The following DNAH14 variants were observed in gnomAD, a reference collection of about 807,000 sequenced individuals.
DNAH14 encodes axonemal beta dynein heavy chain 14.
DNAH14 carries 478 observed loss-of-function variants against 520.9 expected under a neutral mutation model. The ratio of observed to expected loss-of-function variants is 0.92; its 90% CI spans 0.85 to 0.99. The LOEUF (loss-of-function observed/expected upper bound fraction) is 0.99, where lower values mean the gene tolerates loss of function less well. DNAH14 is among the 50% of genes least tolerant of loss of function. DNAH14 has a pLI of 0.00. For synonymous variants in DNAH14, 1,581 were observed against 1,757.2 expected, an observed-to-expected ratio of 0.90 and a Z score of 2.51; for missense variants, 4,831 against 5,234.5, an observed-to-expected ratio of 0.92 and a Z score of 2.38.
At chr1:224,978,259 T>G (rs1447729169) in intron 8 of DNAH14, among the ~76,000 whole-genome samples, 6 of 152,148 alleles carry the variant, frequency 3.9e-5, no homozygotes. Context: ...GGAATCAATC[T>G]AAAAGTCCAT....
At chr1:225,197,264 G>A (rs1045935314) in intron 38 of DNAH14, among the ~76,000 whole-genome samples, 1 of 152,112 alleles carries the variant, frequency 6.6e-6, no homozygotes, top group African/African-American at 2.4e-5. Flanking sequence ...TATGTGGCTT[G>A]CCAATTATCC....
At chr1:225,216,899 C>A (rs2089429129) in intron 41 of DNAH14, among the ~76,000 whole-genome samples, 1 of 152,204 alleles carries the variant, frequency 6.6e-6, no homozygotes, top group Admixed American at 6.5e-5. Flanking sequence ...CTTCTTCTAT[C>A]AACTCATCAA....
At position 225,286,582 on chromosome 1, in the gene DNAH14, C is replaced by T. The variant is rs374216250; in HGVS notation, c.8272-3303C>T. Among the ~76,000 whole-genome samples, 5 of 152,222 alleles carry T rather than the reference C, an allele frequency of 3.3e-5. No homozygotes were observed. The South Asian group carries it at 1.0e-3, about 32-fold the overall frequency. On this transcript the variant is annotated intron_variant, in intron 54 of 85. Coordinates refer to ENST00000682510, the MANE Select transcript of DNAH14 (RefSeq NM_001367479.1). The stretch of plus-strand genomic sequence containing the variant: ...CCCAAAGAACTGATAATAGCAATTA[C>T]TGACAAGGATACAGAGCAATAGGAA...
At chr1:225,398,494 C>T in intron 84 of DNAH14, 26 bp from the exon 85 acceptor site, 1 of 1,549,698 alleles carries the variant, frequency 6.5e-7, no homozygotes, top group Non-Finnish European at 8.7e-7. Context: ...CTGGGGATCC[C>T]TGACACCACC....
At chr1:225,287,186 A>G (rs777214020) in intron 54 of DNAH14, among the ~76,000 whole-genome samples, 4 of 152,210 alleles carry the variant, frequency 2.6e-5, no homozygotes, top group Non-Finnish European at 5.9e-5. Context: ...GATGACACAA[A>G]GAATGAGCCT....
At chr1:224,938,085 A>G (rs2059157226) in intron 1 of DNAH14, among the ~76,000 whole-genome samples, 1 of 152,190 alleles carries the variant, frequency 6.6e-6, no homozygotes, top group African/African-American at 2.4e-5. Context: ...AAGAACTGAA[A>G]CTATGAAACT....
chr1:225,006,556 G>A (rs898287954), intron 9 of DNAH14, among the ~76,000 whole-genome samples: 3 of 118,844 alleles, frequency 2.5e-5, no homozygotes, highest in Non-Finnish European at 5.8e-5. Flanking sequence ...TGAAGATAAG[G>A]GATGAAATAC....
At chr1:225,375,536 T>G (rs1461576446) in intron 78 of DNAH14, among the ~76,000 whole-genome samples, 1 of 152,124 alleles carries the variant, frequency 6.6e-6, no homozygotes, top group Non-Finnish European at 1.5e-5. Flanking sequence ...CCTGGTATCA[T>G]CAAGAGAAAG....
At chr1:225,144,363 C>A in intron 28 of DNAH14, 34 bp from the exon 29 acceptor site, 3 of 1,425,912 alleles carry the variant, frequency 2.1e-6, no homozygotes, top group South Asian at 1.3e-5. Flanking sequence ...ATAATTTAAC[C>A]AAATAATATG....
At chr1:225,221,875 A>T (rs1285956533) in intron 41 of DNAH14, among the ~76,000 whole-genome samples, 1 of 152,248 alleles carries the variant, frequency 6.6e-6, no homozygotes, top group Non-Finnish European at 1.5e-5. Flanking sequence ...GATCGTTTGC[A>T]CACAGGACTG....
rs1474713267 is a variant in DNAH14 at position 225,153,739 on chromosome 1, ATGTT to A, written c.5197-8_5197-5del. ...AAACTTTAATAATTCAAATATTTTAATGTTTGATAGGATCATTATAATTTTGGCT... is the reference window on the plus strand; with the variant it reads ...AAACTTTAATAATTCAAATATTTTAATGATAGGATCATTATAATTTTGGCT... On this transcript the variant is annotated splice_polypyrimidine_tract_variant and splice_region_variant and intron_variant, in intron 33 of 85. Transcript: ENST00000682510. 2 of 1,520,186 alleles carry A rather than the reference ATGTT, an allele frequency of 1.3e-6. 1 individual carries two copies. Among genetic ancestry groups the A allele is most frequent in the African/African-American group, 2.8e-5 (2 of 72,058 alleles). 94.2% of individuals were successfully genotyped at this position (1,520,186 alleles called of 1,614,324 possible). A position where few individuals can be genotyped will look rare whatever the true frequency, so the allele number is the denominator to read the frequency against.
At position 225,343,802 on chromosome 1, in the gene DNAH14, A is replaced by T. The variant is rs189509188; in HGVS notation, c.10679-2160A>T. On this transcript the variant is annotated intron_variant, in intron 69 of 85. Coordinates refer to ENST00000682510, the MANE Select transcript of DNAH14 (RefSeq NM_001367479.1). ...CTTCTGTATCTGTTTTTTTTGTAAG[A>T]CTGGAGCCATCTGCTGGTAACTTCT... Among the ~76,000 whole-genome samples, 11 of 152,008 alleles carry T rather than the reference A, an allele frequency of 7.2e-5. No individual in the cohort carries two copies. In the East Asian group the frequency reaches 2.1e-3, roughly 29 times the overall value.
chr1:224,945,149 T>C (rs980921969), intron 1 of DNAH14, among the ~76,000 whole-genome samples: 1 of 152,204 alleles, frequency 6.6e-6, no homozygotes, highest in Non-Finnish European at 1.5e-5. Flanking sequence ...GTAGATTTGG[T>C]CTTTTCACAG....
At chr1:224,991,084 CTTTTTTTTTTT>C (rs1197927461) in intron 8 of DNAH14, among the ~76,000 whole-genome samples, 12,253 of 78,080 alleles carry the variant, frequency 0.16, 1,916 homozygotes, top group African/African-American at 0.48. Context: ...TGATGTTGAG[CTTTTTTTTTTT>C]TTTTTTTTTT....
At chr1:225,136,413 A>G (rs565447244) in intron 27 of DNAH14, among the ~76,000 whole-genome samples, 1 of 152,186 alleles carries the variant, frequency 6.6e-6, no homozygotes, top group Admixed American at 6.5e-5. Flanking sequence ...TTGCTTATGA[A>G]GCTTAGTTTG....
intron 49 of DNAH14, among the ~76,000 whole-genome samples, chr1:225,270,321 G>T (rs574661980): frequency 2.3e-5 from 3 of 131,832 alleles, no homozygotes; most frequent in African/African-American, 5.6e-5. Flanking sequence ...GGGGCCTGTT[G>T]TGGGGTGGGG....
At chr1:225,056,406 G>C in intron 17 of DNAH14, among the ~76,000 whole-genome samples, 1 of 152,124 alleles carries the variant, frequency 6.6e-6, no homozygotes, top group Non-Finnish European at 1.5e-5. Flanking sequence ...ATTTGTTTGA[G>C]TTCATTGTAG....
At chr1:225,096,721 G>T (rs531899238) in intron 21 of DNAH14, among the ~76,000 whole-genome samples, 5 of 152,250 alleles carry the variant, frequency 3.3e-5, no homozygotes, top group Admixed American at 6.5e-5. Context: ...GATATTATAT[G>T]TGCATCTATA....
intron 60 of DNAH14, 150 bp from the exon 61 acceptor site, chr1:225,318,433 A>C: frequency 1.5e-6 from 1 of 647,670 alleles, no homozygotes; most frequent in African/African-American, 1.8e-5. Context: ...CAGTACAAGC[A>C]TGTGTGCACA....
Sources: gnomAD v4.1 joint callset for allele counts (sites outside exome capture counted in the v4.1 genomes callset) on GRCh38, gnomAD v4.1.1 for gene constraint, MANE v1.5 for transcripts, NCBI Gene and HGNC (gene_info 2026-07-23, HGNC 2026-07-21) for gene names.